Variants in INPP4B observed in about 807,000 individuals in gnomAD.
INPP4B encodes inositol polyphosphate-4-phosphatase type II B.
INPP4B carries 55 observed loss-of-function variants against 122.5 expected under a neutral mutation model. The observed-to-expected ratio is 0.45, with a 90% CI of 0.36 to 0.56. INPP4B has a LOEUF of 0.56. Ranked by LOEUF, INPP4B falls within the 20% of genes least tolerant of loss-of-function variation. The pLI is 0.00. For synonymous variants in INPP4B, 403 were observed against 388.7 expected (o/e 1.04, Z -0.43); for missense variants, 1,000 against 1,097.7 (o/e 0.91, Z 1.26).
At chr4:142,437,232 C>A (rs1810732821) in intron 3 of INPP4B, among the ~76,000 whole-genome samples, 1 of 151,814 alleles carries the variant, frequency 6.6e-6, no homozygotes, top group African/African-American at 2.4e-5. Flanking sequence ...GAAAAGGAAC[C>A]AACACAACCT....
chr4:142,492,293 C>G (rs1159336247), intron 2 of INPP4B, among the ~76,000 whole-genome samples: 1 of 151,962 alleles, frequency 6.6e-6, no homozygotes, highest in Non-Finnish European at 1.5e-5. Context: ...ATTGGTACCA[C>G]AGAGAGAGGG....
At chr4:142,077,550 A>C (rs187047315) in intron 25 of INPP4B, among the ~76,000 whole-genome samples, 1 of 152,040 alleles carries the variant, frequency 6.6e-6, no homozygotes, top group African/African-American at 2.4e-5. Flanking sequence ...CTATTAATCA[A>C]ATATAAGTTT....
intron 9 of INPP4B, among the ~76,000 whole-genome samples, chr4:142,272,856 G>T (rs541684094): frequency 6.6e-6 from 1 of 152,008 alleles, no homozygotes; most frequent in East Asian, 1.9e-4. Context: ...AACTAAACAC[G>T]TTTTTCTTCT....
chr4:142,142,739 TA>T (rs1302874229), intron 18 of INPP4B, among the ~76,000 whole-genome samples: 1 of 152,022 alleles, frequency 6.6e-6, no homozygotes, highest in African/African-American at 2.4e-5. Flanking sequence ...AACCAAATAA[TA>T]AAATAAGTAT....
intron 17 of INPP4B, among the ~76,000 whole-genome samples, chr4:142,156,937 AAAAC>A (rs1414057291): frequency 6.6e-6 from 1 of 152,132 alleles, no homozygotes; most frequent in Non-Finnish European, 1.5e-5. Context: ...GAAATTAAGT[AAAAC>A]AAACAAAAAA....
intron 2 of INPP4B, among the ~76,000 whole-genome samples, chr4:142,467,231 C>T (rs1160575712): frequency 6.6e-6 from 1 of 152,158 alleles, no homozygotes; most frequent in Non-Finnish European, 1.5e-5. Context: ...GCAGCTTAAG[C>T]GTGAAAAAGC....
At chr4:142,686,259 A>G (rs1335422900) in intron 2 of INPP4B, among the ~76,000 whole-genome samples, 1 of 152,146 alleles carries the variant, frequency 6.6e-6, no homozygotes, top group Non-Finnish European at 1.5e-5. Context: ...AGAGAATGAC[A>G]AAGCCAAAAA....
intron 1 of INPP4B, among the ~76,000 whole-genome samples, chr4:142,737,824 A>C (rs1478817504): frequency 6.6e-6 from 1 of 152,256 alleles, no homozygotes; most frequent in African/African-American, 2.4e-5. Flanking sequence ...TTCTCAAAAG[A>C]AGACATTTAT....
chr4:142,821,494 T>G (rs1780783717), intron 1 of INPP4B, among the ~76,000 whole-genome samples: 1 of 152,102 alleles, frequency 6.6e-6, no homozygotes, highest in Non-Finnish European at 1.5e-5. Flanking sequence ...TACATTATAT[T>G]ATTGGTTACC....
intron 1 of INPP4B, among the ~76,000 whole-genome samples, chr4:142,838,929 T>C (rs777195889): frequency 1.1e-4 from 17 of 152,224 alleles, no homozygotes; most frequent in Admixed American, 2.6e-4. Flanking sequence ...AGTGACAGAA[T>C]ATGTCAACCA....
chr4:142,292,828 T>C (rs943074703), intron 9 of INPP4B, among the ~76,000 whole-genome samples: 1 of 152,170 alleles, frequency 6.6e-6, no homozygotes, highest in African/African-American at 2.4e-5. Context: ...ACAAGCTAAT[T>C]TGGTCTTTTG....
At chr4:142,448,599 T>C (rs2149490812) in intron 3 of INPP4B, among the ~76,000 whole-genome samples, 1 of 152,252 alleles carries the variant, frequency 6.6e-6, no homozygotes, top group African/African-American at 2.4e-5. Context: ...AAATGCTAAA[T>C]AATGTCAAGA....
At chr4:142,305,945 G>A (rs1763185163) in intron 8 of INPP4B, 8 of 1,016,086 alleles carry the variant, frequency 7.9e-6, no homozygotes, top group South Asian at 3.7e-5. Flanking sequence ...TTCCAGATAT[G>A]AGCAAATCTG....
At chr4:142,340,902 G>A (rs1307852425) in intron 7 of INPP4B, among the ~76,000 whole-genome samples, 2 of 152,128 alleles carry the variant, frequency 1.3e-5, no homozygotes, top group African/African-American at 4.8e-5. Context: ...AAAAAAAACT[G>A]TAGATCTGTT....
intron 2 of INPP4B, among the ~76,000 whole-genome samples, chr4:142,493,200 T>C (rs940697020): frequency 1.3e-5 from 2 of 152,198 alleles, no homozygotes; most frequent in African/African-American, 4.8e-5. Context: ...TGCCTGAATG[T>C]CCAGGTAGAA....
chr4:142,285,378 A>G (rs150299800), intron 9 of INPP4B, among the ~76,000 whole-genome samples: 771 of 74,460 alleles, frequency 0.01, 11 homozygotes, highest in Admixed American at 0.061. Context: ...AGATGATGTA[A>G]GAATTGAGGT....
chr4:142,286,124 G>A (rs781089555), intron 9 of INPP4B, among the ~76,000 whole-genome samples: 7 of 152,160 alleles, frequency 4.6e-5, no homozygotes, highest in South Asian at 2.1e-4. Context: ...ACTCAGCTAC[G>A]TGGAAACAGT....
rs149971371 is a variant in INPP4B at position 142,576,009 on chromosome 4, A to G, written c.-190-113283T>C. On this transcript the variant is annotated intron_variant, in intron 2 of 25. Transcript: ENST00000262992. Reference sequence around the variant, plus strand: ...CTGTTACAAATACACCACGTTGTAGAGTCCACGTTCAAATGTGTTTTAACT... The same window carrying G: ...CTGTTACAAATACACCACGTTGTAGGGTCCACGTTCAAATGTGTTTTAACT... Among the ~76,000 whole-genome samples the G allele has an allele frequency of 3.3e-3, 499 of 152,194 alleles. 6 individuals are homozygous for G. Among genetic ancestry groups the G allele is most frequent in the East Asian group, 0.018 (93 of 5,162 alleles).
At chr4:142,409,486 C>T (rs1470852570) in intron 5 of INPP4B, among the ~76,000 whole-genome samples, 1 of 117,406 alleles carries the variant, frequency 8.5e-6, no homozygotes, top group Non-Finnish European at 1.7e-5. Flanking sequence ...GAGCGAGACT[C>T]CTTCTCAAAA....
Sources: gnomAD v4.1 joint callset for allele counts (sites outside exome capture counted in the v4.1 genomes callset) on GRCh38, gnomAD v4.1.1 for gene constraint, MANE v1.5 for transcripts, NCBI Gene and HGNC (gene_info 2026-07-23, HGNC 2026-07-21) for gene names.